The following FAM228A variants were observed in gnomAD, a reference collection of about 807,000 sequenced individuals.
The protein encoded by FAM228A is family with sequence similarity 228 member A.
FAM228A carries 13 observed loss-of-function variants against 18.6 expected under a neutral mutation model. That is an observed-to-expected ratio of 0.70 (90% confidence interval 0.45 to 1.11). FAM228A has a LOEUF of 1.11. Among genes scored for constraint, FAM228A ranks in the 50% least tolerant of loss-of-function variants. The probability of loss-of-function intolerance (pLI) is 0.00; values close to 1 mark genes in which losing one functional copy is unlikely to be tolerated. For synonymous variants in FAM228A, 77 were observed against 86.6 expected, an observed-to-expected ratio of 0.89 and a Z score of 0.61; for missense variants, 240 against 242.2, an observed-to-expected ratio of 0.99 and a Z score of 0.06.
chr2:24,175,393 C>T, intron 1 of FAM228A, 74 bp from the exon 2 acceptor site: 3 of 1,070,448 alleles, frequency 2.8e-6, no homozygotes, highest in Non-Finnish European at 4.3e-6. Flanking sequence ...GATTTGAACA[C>T]TCCCTGAGCC....
chr2:24,183,439 C>G, intron 4 of FAM228A, 56 bp from the exon 5 acceptor site: 1 of 1,610,560 alleles, frequency 6.2e-7, no homozygotes, highest in Non-Finnish European at 8.5e-7. Flanking sequence ...CTCACTCCTT[C>G]AAGAGCAACT....
Position 24,175,513 on chromosome 2 carries a change from A to G in FAM228A, c.33A>G (p.Glu11=). MAATKTASYD[E]HFRPEKLREW... ...CCACCAAAACTGCGAGTTATGATGA[A>G]CATTTCAGGCCAGAAAAGTTAAGAG... The change falls in exon 2 of 6, where the codon GAA becomes GAG. Residue 11 remains glutamate (E), a synonymous_variant. Transcript: ENST00000295150. 6.2e-7 allele frequency: 1 copy of G among 1,614,170 alleles called. No individual in the cohort carries two copies. Among genetic ancestry groups the G allele is most frequent in the African/African-American group, 1.3e-5 (1 of 75,056 alleles).
intron 5 of FAM228A, among the ~76,000 whole-genome samples, chr2:24,185,868 A>G (rs1667936848): frequency 6.6e-6 from 1 of 152,082 alleles, no homozygotes; most frequent in Non-Finnish European, 1.5e-5. Context: ...ACTTATTCCT[A>G]TTTTATTATT....
chr2:24,179,692 C>A (rs1317326394), intron 3 of FAM228A, among the ~76,000 whole-genome samples: 3 of 152,148 alleles, frequency 2.0e-5, no homozygotes, highest in Non-Finnish European at 4.4e-5. Context: ...TTGCTTATAG[C>A]TCCAGACATT....
At chr2:24,189,053 C>G (rs11125478) in intron 5 of FAM228A, among the ~76,000 whole-genome samples, 96,532 of 152,002 alleles carry the variant, frequency 0.64, 31,021 homozygotes, top group East Asian at 0.71. Context: ...ATAGCCCCCC[C>G]ACCCCCACAA....
chr2:24,189,095 G>A (rs773736931), intron 5 of FAM228A, among the ~76,000 whole-genome samples: 2 of 152,070 alleles, frequency 1.3e-5, no homozygotes, highest in Admixed American at 6.6e-5. Flanking sequence ...CTTTGTTGGC[G>A]TCATCTCCCC....
chr2:24,179,166 T>C (rs752754615), intron 3 of FAM228A: 2 of 1,177,018 alleles, frequency 1.7e-6, no homozygotes, highest in Admixed American at 4.1e-5. Flanking sequence ...AGAAAAGAGA[T>C]GTTACATAAA....
chr2:24,175,779 G>A (rs2151039107), intron 2 of FAM228A: 7 of 823,062 alleles, frequency 8.5e-6, no homozygotes, highest in Admixed American at 3.3e-5. Flanking sequence ...CTGGCGCACC[G>A]ACGGGGGCGG....
Position 24,191,096 on chromosome 2 carries a change from A to G in FAM228A, c.*465A>G, listed in dbSNP as rs1558406556. ...ATATTTAAAAGGTATTTTTATATGT[A>G]GGAATTTTCTGAGTATGGATTTCTT... On this transcript the variant is annotated 3_prime_UTR_variant, in exon 6 of 6. Coordinates refer to ENST00000295150, the MANE Select transcript of FAM228A (RefSeq NM_001040710.3). The G allele has an allele frequency of 1.0e-6, 1 of 985,978 alleles. No homozygotes were observed. The highest frequency in any genetic ancestry group is 1.1e-4 in the East Asian group (1 of 8,846). The allele number at this position is 985,978 out of a possible 1,614,324, so 61.1% of individuals were successfully genotyped here.
chr2:24,175,407 AGGCCT>A, intron 1 of FAM228A, 55 bp from the exon 2 acceptor site: 1 of 1,234,098 alleles, frequency 8.1e-7, no homozygotes. Flanking sequence ...CTGAGCCCAA[AGGCCT>A]GGCTCTCAAC....
At chr2:24,183,991 A>G (rs996273622) in intron 5 of FAM228A, among the ~76,000 whole-genome samples, 1 of 152,200 alleles carries the variant, frequency 6.6e-6, no homozygotes, top group Admixed American at 6.5e-5. Context: ...CTTAAACAAT[A>G]TAGTTTATCT....
At chr2:24,183,760 T>G (rs1667873004) in intron 5 of FAM228A, 115 bp downstream of exon 5, 3 of 826,214 alleles carry the variant, frequency 3.6e-6, no homozygotes, top group Non-Finnish European at 5.6e-6. Context: ...AGTTTTATTA[T>G]TATTATCATC....
chr2:24,187,204 A>G (rs1295017059), intron 5 of FAM228A, among the ~76,000 whole-genome samples: 1 of 152,232 alleles, frequency 6.6e-6, no homozygotes, highest in African/African-American at 2.4e-5. Context: ...TATTGTTTAC[A>G]GTTTTCATAA....
In FAM228A at chr2:24,190,658, A is replaced by G. The variant is rs751401999; in HGVS notation, c.*27A>G. On this transcript the variant is annotated 3_prime_UTR_variant, in exon 6 of 6. Transcript: ENST00000295150. ...CCACCGCCACAGCCCTCCCTGTCAG[A>G]CAGGCACCCAAGGGCGGAGGAGGCA... The G allele has an allele frequency of 6.6e-7, 1 of 1,517,444 alleles. No individual in the cohort carries two copies. The highest frequency in any genetic ancestry group is 2.3e-5 in the East Asian group (1 of 43,876). The allele number at this position is 1,517,444 out of a possible 1,614,324, so 94.0% of individuals were successfully genotyped here. A position where few individuals can be genotyped will look rare whatever the true frequency, so the allele number is the denominator to read the frequency against.
intron 5 of FAM228A, among the ~76,000 whole-genome samples, chr2:24,187,872 T>G (rs1399223241): frequency 6.6e-6 from 1 of 152,232 alleles, no homozygotes; most frequent in African/African-American, 2.4e-5. Context: ...GCTTTTATGA[T>G]TTTCTCATTG....
At chr2:24,178,939 T>C (rs1050829029) in intron 3 of FAM228A, among the ~76,000 whole-genome samples, 3 of 152,270 alleles carry the variant, frequency 2.0e-5, no homozygotes, top group Non-Finnish European at 4.4e-5. Flanking sequence ...GTTCCCAGCT[T>C]CTCTTACTGC....
Position 24,190,586 on chromosome 2 carries a change from A to G in FAM228A, c.576A>G (p.Ala192=), listed in dbSNP as rs1381672888. 6.2e-7 allele frequency: 1 copy of G among 1,604,582 alleles called. No individual in the cohort carries two copies. The highest frequency in any genetic ancestry group is 1.1e-5 in the South Asian group (1 of 89,558). ...VSRGLGRGWH[A]GLCSTHEQHI... is the part of the protein sequence containing the mutation. ...GAGGCCTGGGGCGGGGCTGGCATGC[A>G]GGGCTTTGCAGCACCCACGAGCAGC... The change falls in exon 6 of 6, where the codon GCA becomes GCG. Residue 192 remains alanine (A), a synonymous_variant. Coordinates refer to ENST00000295150, the MANE Select transcript of FAM228A (RefSeq NM_001040710.3).
Position 24,183,316 on chromosome 2 carries a change from T to G in FAM228A, c.194T>G (p.Phe65Cys). ...VTVPPFVDPL[F>C]QRQQEVDEER... ...GTCCCACCATTTGTTGATCCTCTGT[T>G]TCAAAGACAGCAAGAGGTGGATGAA... Residue 65 changes from phenylalanine to cysteine, a missense_variant, in exon 4 of 6, where the codon TTT becomes TGT. Transcript: ENST00000295150. 1 of 1,614,026 alleles carries G rather than the reference T, an allele frequency of 6.2e-7. No homozygotes were observed. Among genetic ancestry groups the G allele is most frequent in the Non-Finnish European group, 8.5e-7 (1 of 1,179,892 alleles).
chr2:24,179,072 CTT>C lies in FAM228A; in HGVS notation c.162+1204_162+1205del, dbSNP rs1187315542. On this transcript the variant is annotated intron_variant, in intron 3 of 5. Transcript: ENST00000295150. ...TCGAATGATAGTAAATGAAACATTT[CTT>C]TATAATTTATTTTCCTTTTTTGTAT... The C allele has an allele frequency of 1.0e-4, 87 of 852,142 alleles. 2 individuals carry two copies. The highest frequency in any genetic ancestry group is 1.3e-4 in the Non-Finnish European group (86 of 682,584). 52.8% of individuals were successfully genotyped at this position (852,142 alleles called of 1,614,324 possible). A position where few individuals can be genotyped will look rare whatever the true frequency, so the allele number is the denominator to read the frequency against.
Sources: gnomAD v4.1 joint callset for allele counts (sites outside exome capture counted in the v4.1 genomes callset) on GRCh38, gnomAD v4.1.1 for gene constraint, MANE v1.5 for transcripts, NCBI Gene and HGNC (gene_info 2026-07-23, HGNC 2026-07-21) for gene names.